The following CLEC16A variants were observed in gnomAD, a reference collection of about 807,000 sequenced individuals.
The protein encoded by CLEC16A is protein CLEC16A.
A neutral mutation model predicts 109.5 loss-of-function variants in CLEC16A; 51 were observed. That is an observed-to-expected ratio of 0.47 (90% CI 0.37 to 0.59). The LOEUF (loss-of-function observed/expected upper bound fraction) is 0.59, where lower values mean the gene tolerates loss of function less well. CLEC16A is among the 20% of genes least tolerant of loss of function. CLEC16A has a pLI of 0.00. For missense variants in CLEC16A, 1,339 were observed against 1,394.0 expected (o/e 0.96, Z 0.63); for synonymous variants, 673 against 564.2 (o/e 1.19, Z -2.73).
At chr16:10,966,170 A>G (rs1411476673) in intron 3 of CLEC16A, among the ~76,000 whole-genome samples, 2 of 152,230 alleles carry the variant, frequency 1.3e-5, no homozygotes, top group African/African-American at 4.8e-5. Context: ...ACTGTGGACT[A>G]TTCAGAGAAT....
chr16:10,989,920 C>G (rs1195847993), intron 10 of CLEC16A, among the ~76,000 whole-genome samples: 1 of 152,178 alleles, frequency 6.6e-6, no homozygotes, highest in Non-Finnish European at 1.5e-5. Context: ...AGCCGAGTCT[C>G]CCGTGTGCTG....
In CLEC16A at chr16:11,178,788, G is replaced by T; in HGVS notation, c.*98G>T. The T allele has an allele frequency of 1.1e-6, 1 of 921,644 alleles. No individual in the cohort carries two copies. The highest frequency in any genetic ancestry group is 1.8e-5 in the South Asian group (1 of 55,804). 57.1% of individuals were successfully genotyped at this position (921,644 alleles called of 1,614,324 possible). A position where few individuals can be genotyped will look rare whatever the true frequency, so the allele number is the denominator to read the frequency against. ...ACACTGGGAGCACCCACCATTCTGT[G>T]CGGCCCCCAGCAGCCATCTCAACCA... On this transcript the variant is annotated 3_prime_UTR_variant, in exon 24 of 24. Coordinates refer to ENST00000409790, the MANE Select transcript of CLEC16A (RefSeq NM_015226.3). This position sits in a 1 kb window ranked among gnomAD's most constrained non-coding sequence, Gnocchi z 6.5.
chr16:11,090,811 ATTTTTTTTTTTTT>A (rs71136616), intron 19 of CLEC16A, among the ~76,000 whole-genome samples: 1 of 80,682 alleles, frequency 1.2e-5, no homozygotes, highest in East Asian at 3.3e-4. Flanking sequence ...TACCCAGCTA[ATTTTTTTTTTTTT>A]TTTTTTTTTT....
At chr16:11,042,889 T>C (rs948335944) in intron 15 of CLEC16A, among the ~76,000 whole-genome samples, 6 of 149,816 alleles carry the variant, frequency 4.0e-5, no homozygotes, top group Non-Finnish European at 8.9e-5. Flanking sequence ...TATATTTAAG[T>C]ATTATAAGCA....
At chr16:11,077,518 G>C (rs578129733) in intron 19 of CLEC16A, among the ~76,000 whole-genome samples, 1 of 150,976 alleles carries the variant, frequency 6.6e-6, no homozygotes, top group African/African-American at 2.4e-5. Flanking sequence ...TTAGCCAGGC[G>C]TAGTGGCGTG....
intron 19 of CLEC16A, chr16:11,070,553 T>A (rs2049016339): frequency 6.6e-6 from 1 of 152,224 alleles, no homozygotes; most frequent in South Asian, 2.1e-4. Context: ...TCTTGCCCAG[T>A]CACTTGCTTC....
At chr16:11,168,120 C>G (rs1401722524) in intron 23 of CLEC16A, among the ~76,000 whole-genome samples, 2 of 152,186 alleles carry the variant, frequency 1.3e-5, no homozygotes, top group Admixed American at 1.3e-4. Context: ...GGCAAAGACC[C>G]ACAGTATCAA....
chr16:10,968,047 C>G (rs78390619), intron 3 of CLEC16A, among the ~76,000 whole-genome samples: 30 of 152,352 alleles, frequency 2.0e-4, no homozygotes, highest in Non-Finnish European at 4.3e-4. Context: ...AACCATGCCC[C>G]CAGCAGGTGT....
rs901570162 is a variant in CLEC16A at position 11,123,661 on chromosome 16, G to C, written c.2269-81G>C. On this transcript the variant is annotated intron_variant, in intron 20 of 23. Coordinates refer to ENST00000409790, the MANE Select transcript of CLEC16A (RefSeq NM_015226.3). ...AGATGAATTTGGAGACCTCTTTCTA[G>C]ATGCCTCATGATGCCACAGCTCCTA... 10 of 1,323,260 alleles carry C rather than the reference G, an allele frequency of 7.6e-6. No homozygotes were observed. In the African/African-American group the frequency reaches 8.7e-5, roughly 11 times the overall value. 82.0% of individuals were successfully genotyped at this position (1,323,260 alleles called of 1,614,324 possible).
At chr16:11,089,004 G>A (rs2050160628) in intron 19 of CLEC16A, among the ~76,000 whole-genome samples, 2 of 152,088 alleles carry the variant, frequency 1.3e-5, no homozygotes, top group Non-Finnish European at 2.9e-5. Flanking sequence ...TTCCCCCCAG[G>A]CCACCTGCTT....
intron 13 of CLEC16A, among the ~76,000 whole-genome samples, chr16:11,039,507 A>G (rs2047202489): frequency 6.6e-6 from 1 of 152,176 alleles, no homozygotes; most frequent in Non-Finnish European, 1.5e-5. Flanking sequence ...GTGGCTCACA[A>G]CAGTAATCCC....
intron 19 of CLEC16A, among the ~76,000 whole-genome samples, chr16:11,063,043 T>C (rs1476723414): frequency 6.6e-6 from 1 of 152,140 alleles, no homozygotes; most frequent in Non-Finnish European, 1.5e-5. Flanking sequence ...GTTCAAAGTT[T>C]TTCACTTATC....
At chr16:11,053,017 G>A (rs544009815) in intron 18 of CLEC16A, among the ~76,000 whole-genome samples, 4 of 151,166 alleles carry the variant, frequency 2.6e-5, no homozygotes, top group African/African-American at 9.7e-5. Flanking sequence ...CCTCAGCGTC[G>A]GTAGCTGGAA....
chr16:10,996,678 C>G (rs534754545), intron 10 of CLEC16A, among the ~76,000 whole-genome samples: 300 of 152,264 alleles, frequency 2.0e-3, no homozygotes, highest in Non-Finnish European at 2.5e-3. Flanking sequence ...TCTCTTCCAG[C>G]GTCTGCATGG....
At chr16:10,987,827 T>C (rs2043766504) in intron 10 of CLEC16A, among the ~76,000 whole-genome samples, 1 of 152,248 alleles carries the variant, frequency 6.6e-6, no homozygotes, top group Non-Finnish European at 1.5e-5. Context: ...TTTTTTAACC[T>C]ACTTTCTCCT....
intron 19 of CLEC16A, among the ~76,000 whole-genome samples, chr16:11,103,892 G>T (rs1220810529): frequency 1.3e-5 from 2 of 152,202 alleles, no homozygotes; most frequent in South Asian, 2.1e-4. Context: ...CCCACAACTG[G>T]CCTATGTCGG....
intron 19 of CLEC16A, among the ~76,000 whole-genome samples, chr16:11,085,522 C>T (rs781703358): frequency 5.8e-4 from 89 of 152,230 alleles, no homozygotes; most frequent in Admixed American, 1.0e-3. Flanking sequence ...TGATGAGGCC[C>T]AACAACATAA....
At chr16:11,053,432 A>G (rs895751869) in intron 18 of CLEC16A, among the ~76,000 whole-genome samples, 8 of 151,100 alleles carry the variant, frequency 5.3e-5, no homozygotes, top group Non-Finnish European at 1.0e-4. Context: ...CAGTGGTGCC[A>G]TCTTGGCTCA....
At chr16:11,079,985 G>A (rs1365151912) in intron 19 of CLEC16A, among the ~76,000 whole-genome samples, 1 of 152,204 alleles carries the variant, frequency 6.6e-6, no homozygotes, top group African/African-American at 2.4e-5. Flanking sequence ...GTCTCCCAGG[G>A]CCCCTGGCTT....
Sources: allele counts gnomAD v4.1 joint callset (sites outside exome capture counted in the v4.1 genomes callset), GRCh38; gene constraint gnomAD v4.1.1; non-coding constraint Gnocchi (gnomAD v3.1); transcripts MANE v1.5; gene names NCBI Gene and HGNC (gene_info 2026-07-23, HGNC 2026-07-21).